Variants in SLC35F3 observed in about 807,000 individuals in gnomAD.
SLC35F3 encodes the protein solute carrier family 35 member F3.
SLC35F3 carries 25 observed loss-of-function variants against 49.9 expected under a neutral mutation model. The observed-to-expected ratio is 0.50, with a 90% confidence interval of 0.37 to 0.70. SLC35F3 has a LOEUF of 0.70. Among genes scored for constraint, SLC35F3 ranks in the 30% least tolerant of loss-of-function variants. SLC35F3 has a pLI of 0.00. For missense variants in SLC35F3, 525 were observed against 639.8 expected (o/e 0.82, Z 1.94); for synonymous variants, 275 against 265.4 (o/e 1.04, Z -0.35).
chr1:234,072,992 G>T (rs1337683771), intron 2 of SLC35F3, among the ~76,000 whole-genome samples: 4 of 152,210 alleles, frequency 2.6e-5, no homozygotes, highest in Admixed American at 2.6e-4. Flanking sequence ...CCTGGCGAGG[G>T]TGTTTGTGAT....
chr1:234,013,423 C>T (rs1291853262), intron 2 of SLC35F3, among the ~76,000 whole-genome samples: 1 of 151,406 alleles, frequency 6.6e-6, no homozygotes, highest in Non-Finnish European at 1.5e-5. Context: ...TAATGTTATA[C>T]CTCAAGGAAC....
Position 233,953,149 on chromosome 1 carries a change from A to G in SLC35F3, c.283+47391A>G, listed in dbSNP as rs73098418. Among the ~76,000 whole-genome samples the G allele has an allele frequency of 3.2e-3, 495 of 152,328 alleles. 3 individuals carry two copies. Among genetic ancestry groups the G allele is most frequent in the African/African-American group, 0.011 (464 of 41,568 alleles). On this transcript the variant is annotated intron_variant, in intron 2 of 7. Coordinates refer to ENST00000366618, the MANE Select transcript of SLC35F3 (RefSeq NM_173508.4). ...CTGGGAGATCAGCTGGAAACCTAAAATAACATTGAGTTGTGAGAATAATGG... is the reference window on the plus strand; with the variant it reads ...CTGGGAGATCAGCTGGAAACCTAAAGTAACATTGAGTTGTGAGAATAATGG...
intron 2 of SLC35F3, among the ~76,000 whole-genome samples, chr1:233,922,470 C>G: frequency 6.8e-6 from 1 of 146,246 alleles, no homozygotes; most frequent in African/African-American, 2.5e-5. Flanking sequence ...ATATCTTTTG[C>G]CCACTTTTTG....
intron 2 of SLC35F3, among the ~76,000 whole-genome samples, chr1:233,966,243 G>A (rs1170201190): frequency 6.6e-6 from 1 of 152,168 alleles, no homozygotes; most frequent in Non-Finnish European, 1.5e-5. Context: ...GATAAGAAAT[G>A]GTAGGAAAGA....
At chr1:234,166,977 G>A (rs1207773101) in intron 2 of SLC35F3, among the ~76,000 whole-genome samples, 1 of 152,208 alleles carries the variant, frequency 6.6e-6, no homozygotes, top group South Asian at 2.1e-4. Context: ...CCTCAAGATA[G>A]TGGTGTCAGC....
At chr1:234,285,238 C>T (rs1668401689) in intron 3 of SLC35F3, 1 of 427,072 alleles carries the variant, frequency 2.3e-6, no homozygotes, top group Admixed American at 2.6e-5. Context: ...CTGGGCTTCC[C>T]TCAGAAGATG....
intron 2 of SLC35F3, among the ~76,000 whole-genome samples, chr1:234,195,615 T>C (rs1666796409): frequency 1.3e-5 from 2 of 152,134 alleles, no homozygotes; most frequent in Non-Finnish European, 2.9e-5. Context: ...CCAATTTTAC[T>C]TTCTCTAGAG....
intron 2 of SLC35F3, among the ~76,000 whole-genome samples, chr1:234,163,076 G>A (rs111783427): frequency 1.2e-4 from 19 of 152,160 alleles, no homozygotes; most frequent in African/African-American, 4.1e-4. Context: ...TGCACAGACC[G>A]TTTTGCTCTT....
chr1:234,070,755 GT>G (rs34460072), intron 2 of SLC35F3, among the ~76,000 whole-genome samples: 103,886 of 151,642 alleles, frequency 0.69, 36,130 homozygotes, highest in African/African-American at 0.81. Flanking sequence ...ATTTCCTGCA[GT>G]TTTTTTTTGT....
chr1:233,921,846 A>T (rs1159349210), intron 2 of SLC35F3, among the ~76,000 whole-genome samples: 1 of 124,476 alleles, frequency 8.0e-6, no homozygotes, highest in African/African-American at 3.1e-5. Context: ...CACCCAGTGT[A>T]CAAGTGTCCA....
intron 2 of SLC35F3, among the ~76,000 whole-genome samples, chr1:233,990,368 C>T (rs1490536394): frequency 6.6e-6 from 1 of 152,136 alleles, no homozygotes; most frequent in East Asian, 1.9e-4. Flanking sequence ...ATTCTAAGCT[C>T]AGCTTTGTTA....
chr1:234,232,815 CT>C (rs1485496032), intron 3 of SLC35F3, among the ~76,000 whole-genome samples: 22 of 152,182 alleles, frequency 1.4e-4, no homozygotes. Flanking sequence ...AGGTCTACCC[CT>C]GGACCAGAAT....
chr1:234,318,996 A>G, intron 6 of SLC35F3, 53 bp downstream of exon 6: 1 of 1,479,940 alleles, frequency 6.8e-7, no homozygotes, highest in East Asian at 2.3e-5. Flanking sequence ...CCCACAGAGG[A>G]CCCTCAGGAA....
intron 3 of SLC35F3, among the ~76,000 whole-genome samples, chr1:234,257,086 A>G (rs1667831426): frequency 1.3e-5 from 2 of 152,236 alleles, no homozygotes; most frequent in African/African-American, 4.8e-5. Context: ...TGTAAATTAT[A>G]CTTTAATGAG....
chr1:234,109,099 G>T (rs2102886896), intron 2 of SLC35F3, among the ~76,000 whole-genome samples: 1 of 152,116 alleles, frequency 6.6e-6, no homozygotes, highest in South Asian at 2.1e-4. Flanking sequence ...GTTTTGTTTT[G>T]CAGAAGGAGA....
At chr1:233,938,307 T>C (rs12125382) in intron 2 of SLC35F3, among the ~76,000 whole-genome samples, 8,260 of 152,262 alleles carry the variant, frequency 0.054, 288 homozygotes, top group Non-Finnish European at 0.087. Flanking sequence ...TCTGTCTTCA[T>C]TGTACTGGCT....
chr1:234,213,918 C>T (rs1243934157), intron 2 of SLC35F3: 1 of 152,654 alleles, frequency 6.6e-6, no homozygotes, highest in Non-Finnish European at 1.5e-5. Flanking sequence ...TTTGCTTTTT[C>T]TAACTCTCCC....
At chr1:234,234,268 T>A (rs1257593456) in intron 3 of SLC35F3, among the ~76,000 whole-genome samples, 1 of 152,064 alleles carries the variant, frequency 6.6e-6, no homozygotes, top group Non-Finnish European at 1.5e-5. Flanking sequence ...AGAGGGGAGC[T>A]GGACAGATAC....
chr1:233,996,569 G>A (rs1313040714), intron 2 of SLC35F3, among the ~76,000 whole-genome samples: 1 of 152,146 alleles, frequency 6.6e-6, no homozygotes, highest in Non-Finnish European at 1.5e-5. Context: ...TTCCCTGACA[G>A]CCTCACACTG....
Sources: allele counts gnomAD v4.1 joint callset (sites outside exome capture counted in the v4.1 genomes callset), GRCh38; gene constraint gnomAD v4.1.1; transcripts MANE v1.5; gene names NCBI Gene and HGNC (gene_info 2026-07-23, HGNC 2026-07-21).